GLTP: variants seen among roughly 807,000 people sequenced by gnomAD.
GLTP encodes the protein glycolipid transfer protein.
Under a neutral mutation model 24.0 loss-of-function variants are expected in GLTP, and 22 were observed. The ratio of observed to expected loss-of-function variants is 0.92; its 90% CI spans 0.65 to 1.31. The LOEUF (loss-of-function observed/expected upper bound fraction) is 1.31, where lower values mean the gene tolerates loss of function less well. GLTP is among the 50% of genes most tolerant of loss of function. The pLI is 0.00. For missense variants in GLTP, 224 were observed against 276.6 expected (o/e 0.81, Z 1.35); for synonymous variants, 92 against 115.9 (o/e 0.79, Z 1.33).
intron 4 of GLTP, 50 bp from the exon 5 acceptor site, chr12:109,852,787 G>A (rs368090424): frequency 1.0e-5 from 13 of 1,271,600 alleles, no homozygotes; most frequent in African/African-American, 7.3e-5. Context: ...GGGGGCTGAG[G>A]AGCCAGGCCA....
At chr12:109,854,083 G>T (rs1287998312) in intron 4 of GLTP, among the ~76,000 whole-genome samples, 1 of 151,508 alleles carries the variant, frequency 6.6e-6, no homozygotes, top group Non-Finnish European at 1.5e-5. Flanking sequence ...TAATAGCTAG[G>T]GTGGTGGCTC....
chr12:109,875,168 T>G (rs896888283), intron 1 of GLTP, among the ~76,000 whole-genome samples: 1 of 152,156 alleles, frequency 6.6e-6, no homozygotes, highest in Non-Finnish European at 1.5e-5. Context: ...CGAAAAGTAC[T>G]AGCACCGAGT....
Position 109,852,497 on chromosome 12 carries a change from G to C in GLTP, c.*58C>G. 4 of 1,093,072 alleles carry C rather than the reference G, an allele frequency of 3.7e-6. No homozygotes were observed. The highest frequency in any genetic ancestry group is 1.4e-5 in the South Asian group (1 of 72,292). The allele number at this position is 1,093,072 out of a possible 1,614,324, so 67.7% of individuals were successfully genotyped here. On this transcript the variant is annotated 3_prime_UTR_variant, in exon 5 of 5. Transcript: ENST00000318348. ...CACCGACTTGATTCACAGTGATTCTGGTTTGCCTGTTTCTCCATGTGGCCA... is the reference window on the plus strand; with the variant it reads ...CACCGACTTGATTCACAGTGATTCTCGTTTGCCTGTTTCTCCATGTGGCCA...
In GLTP at chr12:109,869,014, C is replaced by G. The variant is rs1165296833; in HGVS notation, c.104-10273G>C. Among the ~76,000 whole-genome samples the G allele has an allele frequency of 9.2e-5, 14 of 152,116 alleles. No individual in the cohort carries two copies. The East Asian group carries it at 2.7e-3, about 29-fold the overall frequency. ...AAAATACTTCTTTAAAAACTTCACC[C>G]CCGGGCCAGGCACAGTGGCTTACTC... is the stretch of plus-strand genomic sequence containing the variant. On this transcript the variant is annotated intron_variant, in intron 1 of 4. Coordinates refer to ENST00000318348, the MANE Select transcript of GLTP (RefSeq NM_016433.4).
intron 1 of GLTP, among the ~76,000 whole-genome samples, chr12:109,874,416 C>T (rs1033417883): frequency 3.9e-5 from 6 of 152,044 alleles, no homozygotes; most frequent in African/African-American, 9.7e-5. Flanking sequence ...TAATGCGTGC[C>T]GGATACCTAG....
chr12:109,879,157 CT>C (rs1265277416), intron 1 of GLTP, among the ~76,000 whole-genome samples: 1 of 152,198 alleles, frequency 6.6e-6, no homozygotes, highest in African/African-American at 2.4e-5. Context: ...ACTACCACCC[CT>C]AACAAGCCTT....
At chr12:109,862,944 G>C (rs1243468943) in intron 1 of GLTP, among the ~76,000 whole-genome samples, 1 of 151,794 alleles carries the variant, frequency 6.6e-6, no homozygotes, top group Non-Finnish European at 1.5e-5. Context: ...CCCAGCTACT[G>C]GGGAGGCTGA....
intron 1 of GLTP, among the ~76,000 whole-genome samples, chr12:109,871,902 G>A (rs755366554): frequency 6.6e-6 from 1 of 152,226 alleles, no homozygotes; most frequent in Non-Finnish European, 1.5e-5. Flanking sequence ...GATTCACAGT[G>A]GAGGGCTGTC....
At chr12:109,877,392 A>G (rs1037938833) in intron 1 of GLTP, among the ~76,000 whole-genome samples, 1 of 152,168 alleles carries the variant, frequency 6.6e-6, no homozygotes, top group African/African-American at 2.4e-5. Context: ...TTGCAGAATT[A>G]AATACTTTTT....
At chr12:109,870,470 A>AAAAAT (rs61486850) in intron 1 of GLTP, among the ~76,000 whole-genome samples, 4,971 of 148,716 alleles carry the variant, frequency 0.033, 272 homozygotes, top group African/African-American at 0.11. Flanking sequence ...ACTCTGTCTC[A>AAAAAT]AAAATAAAAT....
chr12:109,851,964 C>T lies in GLTP; in HGVS notation c.*591G>A, dbSNP rs1892730536. On this transcript the variant is annotated 3_prime_UTR_variant, in exon 5 of 5. Transcript: ENST00000318348. ...CCGGGTTCAAGCGATTCTCCTGCCT[C>T]AGCCTCCTGAGTAGCTGGAACTACA... is the stretch of plus-strand genomic sequence containing the variant. 2 of 152,466 alleles carry T rather than the reference C, an allele frequency of 1.3e-5. No homozygotes were observed. Among genetic ancestry groups the T allele is most frequent in the Non-Finnish European group, 2.9e-5 (2 of 68,194 alleles). The allele number at this position is 152,466 out of a possible 1,614,324, so 9.4% of individuals were successfully genotyped here. A position where few individuals can be genotyped will look rare whatever the true frequency, so the allele number is the denominator to read the frequency against.
At chr12:109,878,262 C>T (rs937691906) in intron 1 of GLTP, among the ~76,000 whole-genome samples, 43 of 152,250 alleles carry the variant, frequency 2.8e-4, no homozygotes, top group Admixed American at 2.7e-3. Context: ...TGTGCAACCT[C>T]GCTGAAAATA....
chr12:109,877,804 T>A (rs975493459), intron 1 of GLTP, among the ~76,000 whole-genome samples: 11 of 152,158 alleles, frequency 7.2e-5, no homozygotes, highest in African/African-American at 2.7e-4. Flanking sequence ...ATGATCTTGA[T>A]CAGACGTCCC....
At chr12:109,872,970 G>T (rs527836949) in intron 1 of GLTP, among the ~76,000 whole-genome samples, 1 of 152,308 alleles carries the variant, frequency 6.6e-6, no homozygotes, top group African/African-American at 2.4e-5. Context: ...TTTGAATGTG[G>T]CCCAATACAA....
intron 1 of GLTP, among the ~76,000 whole-genome samples, chr12:109,867,879 G>A (rs1245889112): frequency 2.0e-5 from 3 of 151,086 alleles, no homozygotes; most frequent in African/African-American, 7.3e-5. Context: ...CTGGGTTCAC[G>A]CCATTCTCCT....
At chr12:109,864,183 G>C (rs1381637183) in intron 1 of GLTP, among the ~76,000 whole-genome samples, 2 of 152,172 alleles carry the variant, frequency 1.3e-5, no homozygotes, top group African/African-American at 4.8e-5. Flanking sequence ...GCAGAAGAGA[G>C]GGGAGGCGAG....
chr12:109,871,833 C>T (rs1249750846), intron 1 of GLTP, among the ~76,000 whole-genome samples: 1 of 152,214 alleles, frequency 6.6e-6, no homozygotes, highest in East Asian at 1.9e-4. Context: ...ATAGGCTGGG[C>T]GCCCATGCTG....
At chr12:109,867,397 C>G (rs1868564396) in intron 1 of GLTP, among the ~76,000 whole-genome samples, 1 of 152,170 alleles carries the variant, frequency 6.6e-6, no homozygotes, top group African/African-American at 2.4e-5. Context: ...GATCCACCCA[C>G]CTCGGCTTCC....
intron 1 of GLTP, among the ~76,000 whole-genome samples, chr12:109,865,401 C>T (rs895274812): frequency 3.9e-5 from 6 of 152,038 alleles, no homozygotes; most frequent in Non-Finnish European, 7.4e-5. Context: ...CCGAGGCGGG[C>T]GGATCACCTG....
Sources: gnomAD v4.1 joint callset for allele counts (sites outside exome capture counted in the v4.1 genomes callset) on GRCh38, gnomAD v4.1.1 for gene constraint, MANE v1.5 for transcripts, NCBI Gene and HGNC (gene_info 2026-07-23, HGNC 2026-07-21) for gene names.